Variants in ELP3 observed in about 807,000 individuals in gnomAD.
The protein encoded by ELP3 is elongator acetyltransferase complex subunit 3, also known as elongator complex protein 3.
A neutral mutation model predicts 74.9 loss-of-function variants in ELP3; 56 were observed. That is an observed-to-expected ratio of 0.75 (90% CI 0.60 to 0.93). ELP3 has a LOEUF of 0.93. Ranked by LOEUF, ELP3 falls within the 40% of genes least tolerant of loss-of-function variation. The pLI, the probability that ELP3 is intolerant of heterozygous loss-of-function variation, is 0.00. For missense variants in ELP3, 573 were observed against 686.5 expected (o/e 0.83, Z 1.85); for synonymous variants, 222 against 239.8 (o/e 0.93, Z 0.68).
At chr8:28,131,246 G>A (rs1182665909) in intron 8 of ELP3, among the ~76,000 whole-genome samples, 1 of 152,226 alleles carries the variant, frequency 6.6e-6, no homozygotes, top group African/African-American at 2.4e-5. Flanking sequence ...CTGTAGAATA[G>A]CCAAGTGAAG....
rs915234672 is a variant in ELP3 at position 28,116,317 on chromosome 8, T to C, written c.617+3144T>C. 1.8e-4 allele frequency among the ~76,000 whole-genome samples: 28 copies of C among 152,210 alleles called. 1 individual carries two copies. Among genetic ancestry groups the C allele is most frequent in the African/African-American group, 6.3e-4 (26 of 41,442 alleles). ...TGGACAGCAGCCCACTTCTGTTTGA[T>C]TGACTCTAGGGAATGCAACAGGTGA... On this transcript the variant is annotated intron_variant, in intron 7 of 14. Transcript: ENST00000256398.
chr8:28,107,573 A>G (rs1811748307), intron 4 of ELP3, among the ~76,000 whole-genome samples: 1 of 152,188 alleles, frequency 6.6e-6, no homozygotes, highest in African/African-American at 2.4e-5. Flanking sequence ...GGGGGGAAAG[A>G]TTTTCTTGAG....
intron 9 of ELP3, among the ~76,000 whole-genome samples, chr8:28,135,544 G>T (rs1812953503): frequency 6.6e-6 from 1 of 152,134 alleles, no homozygotes; most frequent in Admixed American, 6.5e-5. Context: ...TTCAGCCTTG[G>T]TCTTCATCTA....
chr8:28,146,633 C>G (rs1323972787), intron 10 of ELP3, among the ~76,000 whole-genome samples: 2 of 152,164 alleles, frequency 1.3e-5, no homozygotes, highest in Non-Finnish European at 2.9e-5. Context: ...GTTTTCAACT[C>G]CTAGAAGACT....
intron 12 of ELP3, among the ~76,000 whole-genome samples, chr8:28,159,579 A>G (rs1225069106): frequency 6.6e-6 from 1 of 152,208 alleles, no homozygotes; most frequent in African/African-American, 2.4e-5. Context: ...GAAAAGTACA[A>G]GAGCCATTTG....
In ELP3 at chr8:28,190,377, A is replaced by ATGACAT. The variant is rs1246335006; in HGVS notation, c.*657_*658insTTGACA. Reference sequence around the variant, plus strand: ...CGGGAGTCTACCATCCGAGACGGCGATGACAAAGAGCTTCATTCCACATTC... The same window carrying ATGACAT: ...CGGGAGTCTACCATCCGAGACGGCGATGACATTGACAAAGAGCTTCATTCCACATTC... On this transcript the variant is annotated 3_prime_UTR_variant, in exon 15 of 15. Transcript: ENST00000256398. 1 of 152,174 alleles carries ATGACAT rather than the reference A, an allele frequency of 6.6e-6. No individual in the cohort carries two copies. Among genetic ancestry groups the ATGACAT allele is most frequent in the Non-Finnish European group, 1.5e-5 (1 of 68,088 alleles). 9.4% of individuals were successfully genotyped at this position (152,174 alleles called of 1,614,324 possible). A position where few individuals can be genotyped will look rare whatever the true frequency, so the allele number is the denominator to read the frequency against.
chr8:28,104,289 C>A (rs998026326), intron 3 of ELP3, among the ~76,000 whole-genome samples: 6 of 152,184 alleles, frequency 3.9e-5, no homozygotes, highest in African/African-American at 7.2e-5. Flanking sequence ...TTCTCCTAGT[C>A]TGTGGCTTGT....
At chr8:28,093,478 G>T in intron 1 of ELP3, 1 of 584,828 alleles carries the variant, frequency 1.7e-6, no homozygotes, top group Non-Finnish European at 3.0e-6. Context: ...TTGAATGGCA[G>T]GGAAACCATT....
chr8:28,106,278 C>T (rs1024776516), intron 3 of ELP3, among the ~76,000 whole-genome samples: 3 of 152,134 alleles, frequency 2.0e-5, no homozygotes, highest in South Asian at 2.1e-4. Flanking sequence ...CGGTGGCTCA[C>T]GCCTGTAATC....
intron 10 of ELP3, among the ~76,000 whole-genome samples, chr8:28,140,847 A>G (rs1813208950): frequency 6.6e-6 from 1 of 152,198 alleles, no homozygotes; most frequent in Non-Finnish European, 1.5e-5. Flanking sequence ...TTCAGGCATG[A>G]GTGATGTGCC....
In ELP3 at chr8:28,129,583, T is replaced by G. The variant is rs1403528273; in HGVS notation, c.699T>G (p.Ser233Arg). The G allele has an allele frequency of 6.2e-7, 1 of 1,614,174 alleles. No individual in the cohort carries two copies. The highest frequency in any genetic ancestry group is 1.7e-5 in the Admixed American group (1 of 60,032). ...RPDYCMKRHL[S>R]DMLTYGCTRL... ...ATTACTGCATGAAGCGACATTTAAG[T>G]GACATGTTGACCTATGGCTGCACAA... The change falls in exon 8 of 15, where the codon AGT becomes AGG. Residue 233 changes from serine to arginine, a missense_variant. Transcript: ENST00000256398.
chr8:28,171,805 T>C (rs1367201683), intron 14 of ELP3, among the ~76,000 whole-genome samples: 4 of 152,150 alleles, frequency 2.6e-5, no homozygotes, highest in Non-Finnish European at 4.4e-5. Context: ...CAAATTTAGA[T>C]CTTTGACCTA....
At position 28,142,329 on chromosome 8, in the gene ELP3, C is replaced by T. The variant is rs78476704; in HGVS notation, c.1100+4438C>T. Among the ~76,000 whole-genome samples, 291 of 152,272 alleles carry T rather than the reference C, an allele frequency of 1.9e-3. 1 individual carries two copies. The highest frequency in any genetic ancestry group is 6.3e-3 in the African/African-American group (261 of 41,550). ...CTGATATGACCCCGTTACACTTATC[C>T]TATGGAGAATTGGCCCATAGGAGAG... On this transcript the variant is annotated intron_variant, in intron 10 of 14. Transcript: ENST00000256398.
intron 14 of ELP3, chr8:28,183,323 T>G (rs1815094983): frequency 2.3e-6 from 1 of 437,830 alleles, no homozygotes; most frequent in South Asian, 1.7e-5. Flanking sequence ...GATAAAATAT[T>G]TATCCTGCCT....
chr8:28,173,434 G>A (rs1349755384), intron 14 of ELP3, among the ~76,000 whole-genome samples: 2 of 151,898 alleles, frequency 1.3e-5, no homozygotes, highest in African/African-American at 4.8e-5. Context: ...TTTCTGTACA[G>A]TAAGTAGTTA....
At chr8:28,127,335 A>C (rs1812615876) in intron 7 of ELP3, among the ~76,000 whole-genome samples, 1 of 152,180 alleles carries the variant, frequency 6.6e-6, no homozygotes, top group African/African-American at 2.4e-5. Flanking sequence ...GTAAGCTACT[A>C]TTATGCCACC....
chr8:28,179,793 G>C (rs1814926461), intron 14 of ELP3, among the ~76,000 whole-genome samples: 1 of 152,174 alleles, frequency 6.6e-6, no homozygotes, highest in Non-Finnish European at 1.5e-5. Flanking sequence ...CTGCTGACCT[G>C]ACAGGAGGTG....
intron 2 of ELP3, among the ~76,000 whole-genome samples, chr8:28,098,870 A>T (rs1811359311): frequency 6.6e-6 from 1 of 152,212 alleles, no homozygotes; most frequent in African/African-American, 2.4e-5. Context: ...CATTTCCATG[A>T]ATATCTCCCC....
Position 28,189,376 on chromosome 8 carries a change from ACGTTTGC to A in ELP3, c.1568-272_1568-266del, listed in dbSNP as rs1815367816. Among the ~76,000 whole-genome samples the A allele has an allele frequency of 4.6e-5, 7 of 152,230 alleles. No individual in the cohort carries two copies. In the South Asian group the frequency reaches 1.4e-3, roughly 31 times the overall value. ...CGCAGGCTCCAACACACGGGTGCAC[ACGTTTGC>A]TGTTGCCTGTGAGTGTGTGTGTCAC... is the stretch of plus-strand genomic sequence containing the variant. On this transcript the variant is annotated intron_variant, in intron 14 of 14. Transcript: ENST00000256398.
Sources: allele counts gnomAD v4.1 joint callset (sites outside exome capture counted in the v4.1 genomes callset), GRCh38; gene constraint gnomAD v4.1.1; transcripts MANE v1.5; gene names NCBI Gene and HGNC (gene_info 2026-07-23, HGNC 2026-07-21).